The following CDH13 variants were observed in gnomAD, a reference collection of about 807,000 sequenced individuals.
CDH13 encodes cadherin 13.
A neutral mutation model predicts 63.8 loss-of-function variants in CDH13; 24 were observed. The observed-to-expected ratio is 0.38, with a 90% CI of 0.27 to 0.53. CDH13 has a LOEUF of 0.53. CDH13 is among the 20% of genes least tolerant of loss of function. The pLI is 0.85. For missense variants in CDH13, 1,049 were observed against 903.1 expected, an observed-to-expected ratio of 1.16 and a Z score of -2.07; for synonymous variants, 503 against 355.3, an observed-to-expected ratio of 1.42 and a Z score of -4.67.
chr16:83,731,351 G>C (rs1400530120), intron 10 of CDH13, among the ~76,000 whole-genome samples: 1 of 152,108 alleles, frequency 6.6e-6, no homozygotes, highest in African/African-American at 2.4e-5. Flanking sequence ...TTTAATAATA[G>C]CTATTCTGAC....
At chr16:83,048,840 G>A (rs929393676) in intron 3 of CDH13, among the ~76,000 whole-genome samples, 1 of 152,016 alleles carries the variant, frequency 6.6e-6, no homozygotes, top group Non-Finnish European at 1.5e-5. Flanking sequence ...CTTCCCAGGC[G>A]AAACCAAATT....
At chr16:83,490,891 G>T (rs1010775151) in intron 7 of CDH13, among the ~76,000 whole-genome samples, 1 of 152,126 alleles carries the variant, frequency 6.6e-6, no homozygotes, top group Admixed American at 6.5e-5. Flanking sequence ...CAGAATATAC[G>T]CTTCTGGAAG....
chr16:82,689,962 T>A (rs75663300), intron 1 of CDH13, among the ~76,000 whole-genome samples: 1,243 of 108,668 alleles, frequency 0.011, 19 homozygotes, highest in African/African-American at 0.042. Flanking sequence ...CTGACCAACA[T>A]GGTGAAACGC....
chr16:83,279,629 T>G (rs1054350082), intron 5 of CDH13, among the ~76,000 whole-genome samples: 1 of 152,128 alleles, frequency 6.6e-6, no homozygotes, highest in Non-Finnish European at 1.5e-5. Flanking sequence ...ATATGTGGAG[T>G]TGAGACAATC....
chr16:83,080,134 G>A (rs967786221), intron 3 of CDH13, among the ~76,000 whole-genome samples: 2 of 152,116 alleles, frequency 1.3e-5, no homozygotes, highest in African/African-American at 4.8e-5. Context: ...TTGCAGAAGG[G>A]AGTAACAAGT....
intron 2 of CDH13, among the ~76,000 whole-genome samples, chr16:82,866,381 T>TC (rs2040143081): frequency 9.4e-5 from 5 of 53,118 alleles, no homozygotes; most frequent in African/African-American, 1.8e-4. Flanking sequence ...CTTCTTCTTT[T>TC]TTTTTTTTTT....
intron 2 of CDH13, among the ~76,000 whole-genome samples, chr16:82,948,591 A>C (rs907065339): frequency 6.6e-6 from 1 of 152,208 alleles, no homozygotes; most frequent in African/African-American, 2.4e-5. Context: ...TTCTTCAACC[A>C]ACCAAAATGA....
At chr16:83,320,198 C>T (rs2090190743) in intron 5 of CDH13, among the ~76,000 whole-genome samples, 1 of 151,704 alleles carries the variant, frequency 6.6e-6, no homozygotes, top group Non-Finnish European at 1.5e-5. Flanking sequence ...CCCCACTATG[C>T]CTGGATAATT....
chr16:83,444,350 T>A (rs2072600701), intron 6 of CDH13, among the ~76,000 whole-genome samples: 1 of 152,242 alleles, frequency 6.6e-6, no homozygotes, highest in Non-Finnish European at 1.5e-5. Flanking sequence ...CACCATCACA[T>A]GAAGTACATG....
rs115394354 is a variant in CDH13, at chr16:83,504,120, A to G, written c.960+17465A>G. Among the ~76,000 whole-genome samples, 367 of 152,278 alleles carry G rather than the reference A, an allele frequency of 2.4e-3. 1 individual carries two copies. Among genetic ancestry groups the G allele is most frequent in the African/African-American group, 8.4e-3 (351 of 41,540 alleles). On this transcript the variant is annotated intron_variant, in intron 7 of 13. Coordinates refer to ENST00000567109, the MANE Select transcript of CDH13 (RefSeq NM_001257.5). ...TATGTATCCCAGAAGTTAAGGTAAA[A>G]TTTAAAAAAAGGAAATAAAAGATGC... is the stretch of plus-strand genomic sequence containing the variant.
chr16:83,052,800 A>AAAAAAAAAG (rs2030506070), intron 3 of CDH13, among the ~76,000 whole-genome samples: 1 of 147,906 alleles, frequency 6.8e-6, no homozygotes, highest in Non-Finnish European at 1.5e-5. Context: ...AAAAAAAAAA[A>AAAAAAAAAG]AAAAGAAAGA....
chr16:83,368,381 G>T (rs2091293850), intron 6 of CDH13, among the ~76,000 whole-genome samples: 2 of 152,118 alleles, frequency 1.3e-5, no homozygotes, highest in African/African-American at 2.4e-5. Flanking sequence ...GAAAGAATTT[G>T]GTTGCTTGCT....
At chr16:82,937,486 G>A (rs1303566655) in intron 2 of CDH13, among the ~76,000 whole-genome samples, 1 of 152,030 alleles carries the variant, frequency 6.6e-6, no homozygotes, top group African/African-American at 2.4e-5. Context: ...CGAATTCCGT[G>A]AGAACAGAGT....
chr16:83,598,825 C>T (rs2067860), intron 7 of CDH13, among the ~76,000 whole-genome samples: 48,291 of 152,052 alleles, frequency 0.32, 10,199 homozygotes, highest in African/African-American at 0.59. Context: ...CAGGTGGCCA[C>T]TACTAGCTCC....
intron 7 of CDH13, among the ~76,000 whole-genome samples, chr16:83,495,992 G>A (rs1489080540): frequency 6.6e-6 from 1 of 151,186 alleles, no homozygotes; most frequent in Non-Finnish European, 1.5e-5. Context: ...ACAAACCACT[G>A]CTCAAGGAAA....
chr16:82,842,130 A>ATG (rs1417383858), intron 1 of CDH13, among the ~76,000 whole-genome samples: 7 of 48,278 alleles, frequency 1.4e-4, no homozygotes, highest in African/African-American at 4.2e-4. Flanking sequence ...ATATATATAT[A>ATG]TATATATACA....
chr16:82,650,244 CT>C (rs1281440758), intron 1 of CDH13, among the ~76,000 whole-genome samples: 5 of 151,888 alleles, frequency 3.3e-5, no homozygotes, highest in Admixed American at 2.6e-4. Context: ...TTTTTTTCTC[CT>C]TTTTGAAAAA....
At chr16:83,604,045 C>T (rs904932929) in intron 8 of CDH13, among the ~76,000 whole-genome samples, 1 of 152,128 alleles carries the variant, frequency 6.6e-6, no homozygotes, top group Admixed American at 6.5e-5. Flanking sequence ...TCCCGTGATC[C>T]AGTCACCTCC....
chr16:83,476,158 T>C (rs1466614465), intron 6 of CDH13, among the ~76,000 whole-genome samples: 1 of 152,220 alleles, frequency 6.6e-6, no homozygotes, highest in Admixed American at 6.5e-5. Flanking sequence ...AGACTCTTAA[T>C]ACATGCAAAG....
Sources: allele counts gnomAD v4.1 joint callset (sites outside exome capture counted in the v4.1 genomes callset), GRCh38; gene constraint gnomAD v4.1.1; transcripts MANE v1.5; gene names NCBI Gene and HGNC (gene_info 2026-07-23, HGNC 2026-07-21).